The following BCAT2 variants were observed in gnomAD, a reference collection of about 807,000 sequenced individuals.
BCAT2 encodes the protein branched-chain-amino-acid aminotransferase, mitochondrial.
A neutral mutation model predicts 52.9 loss-of-function variants in BCAT2; 44 were observed. The observed-to-expected ratio is 0.83, with a 90% confidence interval of 0.65 to 1.07. The LOEUF (loss-of-function observed/expected upper bound fraction) is 1.07. BCAT2 is among the 50% of genes least tolerant of loss of function. The pLI is 0.00. For missense variants in BCAT2, 478 were observed against 521.8 expected, an observed-to-expected ratio of 0.92 and a Z score of 0.82; for synonymous variants, 215 against 217.1, an observed-to-expected ratio of 0.99 and a Z score of 0.08.
rs371450690 is a variant in BCAT2 at position 48,806,588 on chromosome 19, G to A, written c.229C>T (p.Gln77Ter). 4 of 1,614,068 alleles carry A rather than the reference G, an allele frequency of 2.5e-6. No individual in the cohort carries two copies. Among genetic ancestry groups the A allele is most frequent in the East Asian group, 2.2e-5 (1 of 44,896 alleles). ...TTCTGGAAGGGCTGGATTCGGGGCTGGCCCCAGCCCTTGTCATTCCATTCC... is the reference window on the plus strand; with the variant it reads ...TTCTGGAAGGGCTGGATTCGGGGCTAGCCCCAGCCCTTGTCATTCCATTCC... ...MVEWNDKGWG[Q>*]PRIQPFQNLT... The change falls in exon 3 of 11, where the codon CAG becomes TAG. Residue 77 changes from glutamine to a stop codon, truncating the protein, a stop_gained. Transcript: ENST00000316273. LOFTEE classifies it high-confidence loss of function.
rs1053004101 is a variant in BCAT2, at chr19:48,797,415, C to G, written c.696-82G>C. 48 of 1,523,178 alleles carry G rather than the reference C, an allele frequency of 3.2e-5. No individual in the cohort carries two copies. The South Asian group carries it at 5.4e-4, about 17-fold the overall frequency. 94.4% of individuals were successfully genotyped at this position (1,523,178 alleles called of 1,614,324 possible). A position where few individuals can be genotyped will look rare whatever the true frequency, so the allele number is the denominator to read the frequency against. ...AGCCCCAGAGGAGGCTCATCCTACT[C>G]TCTCCCGTCTCCCTGCTCACAGCTC... On this transcript the variant is annotated intron_variant, in intron 6 of 10. Coordinates refer to ENST00000316273, the MANE Select transcript of BCAT2 (RefSeq NM_001190.4).
In BCAT2 at chr19:48,796,016, T is replaced by G. The variant is rs148935143; in HGVS notation, c.1140+412A>C. 7.5e-5 allele frequency: 26 copies of G among 348,896 alleles called. No individual in the cohort carries two copies. In the East Asian group the frequency reaches 1.3e-3, roughly 17 times the overall value. 21.6% of individuals were successfully genotyped at this position (348,896 alleles called of 1,614,324 possible). A position where few individuals can be genotyped will look rare whatever the true frequency, so the allele number is the denominator to read the frequency against. On this transcript the variant is annotated intron_variant, in intron 10 of 10. Coordinates refer to ENST00000316273, the MANE Select transcript of BCAT2 (RefSeq NM_001190.4). ...GAGATGGCCAGAGGGCTGGCTAAGG[T>G]CTCAGTGATTCATGGAAAGGGCCTT...
chr19:48,807,883 G>T lies in BCAT2; in HGVS notation c.25-809C>A. On this transcript the variant is annotated intron_variant, in intron 1 of 10. Coordinates refer to ENST00000316273, the MANE Select transcript of BCAT2 (RefSeq NM_001190.4). This position sits in a 1 kb window ranked among gnomAD's most constrained non-coding sequence, Gnocchi z 4.6. Reference sequence around the variant, plus strand: ...TGAGGCTCAGGCGGGTCCTCCCAGAGGGGAGTAGGAAGAGCAGGTCTGGCT... The same window carrying T: ...TGAGGCTCAGGCGGGTCCTCCCAGATGGGAGTAGGAAGAGCAGGTCTGGCT... 1 of 985,748 alleles carries T rather than the reference G, an allele frequency of 1.0e-6. No homozygotes were observed. Among genetic ancestry groups the T allele is most frequent in the Non-Finnish European group, 1.2e-6 (1 of 830,116 alleles). The allele number at this position is 985,748 out of a possible 1,614,324, so 61.1% of individuals were successfully genotyped here.
At chr19:48,800,658 G>T (rs1365185281) in intron 3 of BCAT2, among the ~76,000 whole-genome samples, 1 of 152,110 alleles carries the variant, frequency 6.6e-6, no homozygotes, top group Non-Finnish European at 1.5e-5. Context: ...CAAAAAATAC[G>T]AAAATTAGCC....
intron 1 of BCAT2, 100 bp downstream of exon 1, chr19:48,810,884 G>A (rs2034907468): frequency 1.3e-6 from 2 of 1,547,270 alleles, no homozygotes; most frequent in South Asian, 1.2e-5. Context: ...CAGGGCGGGA[G>A]GAGCGGCGCC....
At chr19:48,796,882 G>A in intron 8 of BCAT2, 55 bp downstream of exon 8, 2 of 1,606,386 alleles carry the variant, frequency 1.2e-6, no homozygotes, top group African/African-American at 1.3e-5. Context: ...CCAGCCCTCT[G>A]ATGCCCTGGC....
chr19:48,808,275 C>A (rs1038254920), intron 1 of BCAT2: 115 of 984,458 alleles, frequency 1.2e-4, no homozygotes, highest in Non-Finnish European at 1.3e-4. Flanking sequence ...ATGAGAGACA[C>A]AAACACAGTG....
At chr19:48,795,699 G>A (rs138689873) in intron 10 of BCAT2, among the ~76,000 whole-genome samples, 1 of 152,168 alleles carries the variant, frequency 6.6e-6, no homozygotes, top group African/African-American at 2.4e-5. Flanking sequence ...GGCCTCTAAG[G>A]CTCTTGGAAA....
rs2034616327 is a variant in BCAT2, at chr19:48,799,871, C to T, written c.532-33G>A. On this transcript the variant is annotated intron_variant, in intron 5 of 10. Coordinates refer to ENST00000316273, the MANE Select transcript of BCAT2 (RefSeq NM_001190.4). This position sits in a 1 kb window ranked among gnomAD's most constrained non-coding sequence, Gnocchi z 5.5. ...GGGCAAAGGGACAGCGTCAGGAGTC[C>T]AGGCCCCCAGTCCCTTCCCGTCCCC... 6.3e-7 allele frequency: 1 copy of T among 1,576,962 alleles called. No homozygotes were observed. Among genetic ancestry groups the T allele is most frequent in the East Asian group, 2.4e-5 (1 of 42,408 alleles).
At chr19:48,796,285 A>G in intron 10 of BCAT2, 143 bp downstream of exon 10, 1 of 1,086,056 alleles carries the variant, frequency 9.2e-7, no homozygotes, top group Middle Eastern at 2.1e-4. Flanking sequence ...CAGAAAGCCC[A>G]CTCTCCAGGG....
chr19:48,803,797 T>C (rs548096277), intron 3 of BCAT2, among the ~76,000 whole-genome samples: 4 of 152,304 alleles, frequency 2.6e-5, no homozygotes, highest in Admixed American at 6.5e-5. Context: ...GTATGGGGGA[T>C]TAAACAGTTC....
intron 2 of BCAT2, 122 bp downstream of exon 2, chr19:48,806,878 G>T: frequency 1.4e-6 from 2 of 1,403,654 alleles, no homozygotes; most frequent in Non-Finnish European, 2.0e-6. Context: ...CGGCCCAATG[G>T]CAGGCTGTTA....
Position 48,795,497 on chromosome 19 carries a change from A to C in BCAT2, c.1141-33T>G, listed in dbSNP as rs777192375. On this transcript the variant is annotated intron_variant, in intron 10 of 10. Transcript: ENST00000316273. ...ACAACGGAGGCAGTGCGTGAGGTGG[A>C]AGCTGCACTACAACTCCCAGTAGGC... 64 of 1,612,234 alleles carry C rather than the reference A, an allele frequency of 4.0e-5. No homozygotes were observed. In the East Asian group the frequency reaches 1.2e-3, roughly 30 times the overall value.
intron 8 of BCAT2, 70 bp from the exon 9 acceptor site, chr19:48,796,788 C>G: frequency 6.3e-7 from 1 of 1,590,256 alleles, no homozygotes; most frequent in Non-Finnish European, 8.6e-7. Context: ...CCTCTCCCTC[C>G]CTGAGGATAG....
Position 48,806,641 on chromosome 19 carries a change from T to C in BCAT2, c.176A>G (p.Lys59Arg), listed in dbSNP as rs1488926990. Residue 59 changes from lysine (K) to arginine (R), a missense_variant, in exon 3 of 11, where the codon AAG becomes AGG. Coordinates refer to ENST00000316273, the MANE Select transcript of BCAT2 (RefSeq NM_001190.4). The stretch of plus-strand genomic sequence containing the variant: ...CATCAGCATGTGGTCGGTAAATGTC[T>C]TCCCAAACACCAGGGGCTCGCCGGG... ...PGPGEPLVFG[K>R]TFTDHMLMVE... is the part of the protein sequence containing the mutation. The C allele has an allele frequency of 6.2e-7, 1 of 1,614,054 alleles. No individual in the cohort carries two copies. The highest frequency in any genetic ancestry group is 1.7e-5 in the Admixed American group (1 of 60,008).
Position 48,795,380 on chromosome 19 carries a change from T to C in BCAT2, c.*46A>G. On this transcript the variant is annotated 3_prime_UTR_variant, in exon 11 of 11. Coordinates refer to ENST00000316273, the MANE Select transcript of BCAT2 (RefSeq NM_001190.4). ...ATTGGTAGGGAGGCGAGTGCTGGCG[T>C]GACGAGATGCTACGGGTCGGTGGAT... The C allele has an allele frequency of 6.2e-7, 1 of 1,613,098 alleles. No homozygotes were observed. The highest frequency in any genetic ancestry group is 8.5e-7 in the Non-Finnish European group (1 of 1,179,490).
At chr19:48,806,882 G>T in intron 2 of BCAT2, 118 bp downstream of exon 2, 2 of 1,401,210 alleles carry the variant, frequency 1.4e-6, no homozygotes, top group African/African-American at 1.4e-5. Context: ...CCAATGGCAG[G>T]CTGTTAAGCT....
Position 48,796,633 on chromosome 19 carries a change from C to T in BCAT2, c.1010G>A (p.Gly337Asp). The T allele has an allele frequency of 6.2e-7, 1 of 1,613,788 alleles. No individual in the cohort carries two copies. Among genetic ancestry groups the T allele is most frequent in the Non-Finnish European group, 8.5e-7 (1 of 1,180,030 alleles). ...LEEGRVREVF[G>D]SGTACQVCPV... ...GCAGACCTGGCAAGCGGTGCCCGAG[C>T]CAAAGACTTCCCGCACGCGGCCCTC... The change falls in exon 9 of 11, where the codon GGC (glycine) becomes GAC (aspartate). Residue 337 changes from glycine to aspartate, a missense_variant. Transcript: ENST00000316273.
Position 48,807,514 on chromosome 19 carries a change from C to G in BCAT2, c.25-440G>C, listed in dbSNP as rs1329976419. Reference sequence around the variant, plus strand: ...AGACCCCAGGCCCGCCTCCCTCAGACCTAAGTAAGAGTCCAGACTCTAGCT... The same window carrying G: ...AGACCCCAGGCCCGCCTCCCTCAGAGCTAAGTAAGAGTCCAGACTCTAGCT... On this transcript the variant is annotated intron_variant, in intron 1 of 10. Transcript: ENST00000316273. This position sits in a 1 kb window ranked among gnomAD's most constrained non-coding sequence, Gnocchi z 4.6. The G allele has an allele frequency of 5.5e-6, 1 of 183,180 alleles. No homozygotes were observed. The highest frequency in any genetic ancestry group is 1.1e-5 in the Non-Finnish European group (1 of 92,468). The allele number at this position is 183,180 out of a possible 1,614,324, so 11.3% of individuals were successfully genotyped here. A position where few individuals can be genotyped will look rare whatever the true frequency, so the allele number is the denominator to read the frequency against.
Sources: allele counts gnomAD v4.1 joint callset (sites outside exome capture counted in the v4.1 genomes callset), GRCh38; gene constraint gnomAD v4.1.1; non-coding constraint Gnocchi (gnomAD v3.1); transcripts MANE v1.5; gene names NCBI Gene and HGNC (gene_info 2026-07-23, HGNC 2026-07-21).